The following MARCHF10 variants were observed in gnomAD, a reference collection of about 807,000 sequenced individuals.
The protein encoded by MARCHF10 is membrane associated ring-CH-type finger 10.
In MARCHF10, 64 loss-of-function variants were observed where a neutral mutation model predicts 76.2. The ratio of observed to expected loss-of-function variants is 0.84; its 90% CI spans 0.69 to 1.03. MARCHF10 has a LOEUF of 1.03. Among genes scored for constraint, MARCHF10 ranks in the 50% least tolerant of loss-of-function variants. MARCHF10 has a pLI of 0.00. For synonymous variants in MARCHF10, 340 were observed against 357.5 expected, an observed-to-expected ratio of 0.95 and a Z score of 0.55; for missense variants, 875 against 958.0, an observed-to-expected ratio of 0.91 and a Z score of 1.14.
chr17:62,729,773 C>T (rs1220696272), intron 6 of MARCHF10, among the ~76,000 whole-genome samples: 1 of 152,032 alleles, frequency 6.6e-6, no homozygotes, highest in African/African-American at 2.4e-5. Flanking sequence ...AGGGTATCGC[C>T]ATGTTGTCCA....
chr17:62,762,907 T>C lies in MARCHF10; in HGVS notation c.211-2901A>G, dbSNP rs1286519806. Among the ~76,000 whole-genome samples, 5 of 152,290 alleles carry C rather than the reference T, an allele frequency of 3.3e-5. No homozygotes were observed. In the East Asian group the frequency reaches 9.7e-4, roughly 29 times the overall value. On this transcript the variant is annotated intron_variant, in intron 3 of 10. Coordinates refer to ENST00000311269, the MANE Select transcript of MARCHF10 (RefSeq NM_152598.4). Reference sequence around the variant, plus strand: ...GAGGATCGTCCTTGAGTGGGAGAAGTTGTAGTAAATCATCCTGGCACTAAA... The same window carrying C: ...GAGGATCGTCCTTGAGTGGGAGAAGCTGTAGTAAATCATCCTGGCACTAAA...
chr17:62,707,642 G>A (rs2089673746), intron 9 of MARCHF10: 1 of 152,342 alleles, frequency 6.6e-6, no homozygotes, highest in South Asian at 2.1e-4. Context: ...GGAGGGGCGA[G>A]AATGGCAGCG....
At chr17:62,793,658 C>T (rs374543940) in intron 2 of MARCHF10, among the ~76,000 whole-genome samples, 19 of 146,594 alleles carry the variant, frequency 1.3e-4, no homozygotes, top group African/African-American at 4.8e-4. Context: ...CATCACACCT[C>T]CATCAACCAC....
At chr17:62,790,474 C>T (rs1475845112) in intron 2 of MARCHF10, among the ~76,000 whole-genome samples, 3 of 152,242 alleles carry the variant, frequency 2.0e-5, no homozygotes, top group Non-Finnish European at 4.4e-5. Flanking sequence ...CCACACCCAG[C>T]CCAGTAAAAC....
intron 3 of MARCHF10, among the ~76,000 whole-genome samples, chr17:62,779,913 A>T (rs945020624): frequency 4.6e-5 from 7 of 152,216 alleles, no homozygotes; most frequent in African/African-American, 1.7e-4. Context: ...CCTGGCCAAC[A>T]TGGCAAGACC....
chr17:62,799,398 T>C (rs995991932), intron 2 of MARCHF10, among the ~76,000 whole-genome samples: 13 of 152,152 alleles, frequency 8.5e-5, no homozygotes, highest in African/African-American at 3.1e-4. Flanking sequence ...TAATACAACA[T>C]AAATCAGATC....
At chr17:62,795,482 TA>T (rs1329814541) in intron 2 of MARCHF10, among the ~76,000 whole-genome samples, 1 of 150,892 alleles carries the variant, frequency 6.6e-6, no homozygotes, top group Non-Finnish European at 1.5e-5. Context: ...TAGCATGCAA[TA>T]TGCCAAATAG....
At chr17:62,764,535 TG>T (rs1266484859) in intron 3 of MARCHF10, among the ~76,000 whole-genome samples, 2 of 152,100 alleles carry the variant, frequency 1.3e-5, no homozygotes, top group Admixed American at 6.5e-5. Flanking sequence ...TAAAGGAGTG[TG>T]ATCAAGGCAG....
chr17:62,733,284 C>T (rs924779171), intron 6 of MARCHF10, among the ~76,000 whole-genome samples: 1 of 152,008 alleles, frequency 6.6e-6, no homozygotes, highest in Non-Finnish European at 1.5e-5. Flanking sequence ...CGTAGTGAGA[C>T]CCCATCTCTA....
intron 6 of MARCHF10, among the ~76,000 whole-genome samples, chr17:62,732,811 G>A (rs920596994): frequency 1.3e-5 from 2 of 151,054 alleles, no homozygotes; most frequent in African/African-American, 4.9e-5. Context: ...TGGCCAACCC[G>A]GTGAAACCCC....
At chr17:62,783,923 A>G (rs1224443288) in intron 3 of MARCHF10, among the ~76,000 whole-genome samples, 1 of 152,232 alleles carries the variant, frequency 6.6e-6, no homozygotes, top group Admixed American at 6.5e-5. Flanking sequence ...AGATGGATTC[A>G]CAGCCGAATT....
At chr17:62,727,916 G>A (rs981476223) in intron 6 of MARCHF10, among the ~76,000 whole-genome samples, 6 of 152,364 alleles carry the variant, frequency 3.9e-5, no homozygotes, top group East Asian at 3.9e-4. Flanking sequence ...GCTTCAGCAC[G>A]AGGGGACCAG....
chr17:62,715,403 T>G (rs78626807), intron 8 of MARCHF10, among the ~76,000 whole-genome samples: 5 of 152,366 alleles, frequency 3.3e-5, no homozygotes, highest in South Asian at 2.1e-4. Context: ...TCTGTGGTAT[T>G]TGAGTGTGTA....
intron 6 of MARCHF10, among the ~76,000 whole-genome samples, chr17:62,726,400 G>A (rs776048144): frequency 6.6e-6 from 1 of 152,220 alleles, no homozygotes; most frequent in Admixed American, 6.5e-5. Flanking sequence ...TGAAAGGGCA[G>A]CTCAGTGTAA....
Position 62,736,249 on chromosome 17 carries a change from G to A in MARCHF10, c.1619C>T (p.Ala540Val), listed in dbSNP as rs138151992. The A allele has an allele frequency of 1.5e-4, 250 of 1,614,070 alleles. No individual in the cohort carries two copies. The highest frequency in any genetic ancestry group is 2.1e-4 in the Non-Finnish European group (243 of 1,180,048). ...AGTAGTATCTTCTGCTTCCCTGACA[G>A]CAAATTCGTGTGCACTGTTTACTGG... Reference protein sequence around the residue: ...YFPVNSAHEFAVREAEDTTLT... With the variant: ...YFPVNSAHEFVVREAEDTTLT... Residue 540 changes from alanine to valine, a missense_variant, in exon 6 of 11, where the codon GCT becomes GTT. Physicochemically the swap from Ala to Val is moderately conservative, Grantham distance 64. Transcript: ENST00000311269.
intron 3 of MARCHF10, 32 bp downstream of exon 3, chr17:62,788,448 C>T (rs2148118602): frequency 6.2e-7 from 1 of 1,613,016 alleles, no homozygotes; most frequent in Non-Finnish European, 8.5e-7. Context: ...CAGCAGCAGC[C>T]CCAGGAGACT....
intron 7 of MARCHF10, among the ~76,000 whole-genome samples, chr17:62,723,182 A>C (rs1207374488): frequency 6.6e-6 from 1 of 150,982 alleles, no homozygotes; most frequent in Non-Finnish European, 1.5e-5. Context: ...TCATCGGGGA[A>C]AAGGAATATG....
At chr17:62,713,545 C>A (rs1230010588) in intron 8 of MARCHF10, among the ~76,000 whole-genome samples, 1 of 152,190 alleles carries the variant, frequency 6.6e-6, no homozygotes, top group African/African-American at 2.4e-5. Flanking sequence ...CTTTGCAGAG[C>A]TGGTGATGCT....
intron 10 of MARCHF10, chr17:62,704,925 T>C (rs926649931): frequency 2.0e-6 from 2 of 984,534 alleles, no homozygotes; most frequent in Non-Finnish European, 2.4e-6. Context: ...CCTGCTTTAT[T>C]AAGCACGTTT....
Sources: allele counts gnomAD v4.1 joint callset (sites outside exome capture counted in the v4.1 genomes callset), GRCh38; gene constraint gnomAD v4.1.1; transcripts MANE v1.5; gene names NCBI Gene and HGNC (gene_info 2026-07-23, HGNC 2026-07-21).